PROX1: variants seen among roughly 807,000 people sequenced by gnomAD.
PROX1 encodes prospero homeobox protein 1.
A neutral mutation model predicts 58.8 loss-of-function variants in PROX1; 7 were observed. The ratio of observed to expected loss-of-function variants is 0.12; its 90% CI spans 0.07 to 0.22. PROX1 has a LOEUF of 0.22. Among genes scored for constraint, PROX1 ranks in the 10% least tolerant of loss-of-function variants. PROX1 has a pLI of 1.00. For synonymous variants in PROX1, 350 were observed against 358.3 expected (o/e 0.98, Z 0.26); for missense variants, 675 against 927.8 (o/e 0.73, Z 3.54).
chr1:214,004,570 C>T (rs1663639227), intron 2 of PROX1, among the ~76,000 whole-genome samples: 1 of 152,046 alleles, frequency 6.6e-6, no homozygotes, highest in African/African-American at 2.4e-5. Context: ...CAAGTTTTAG[C>T]TATTATTTAA....
intron 2 of PROX1, among the ~76,000 whole-genome samples, chr1:214,002,730 G>A (rs1663568315): frequency 6.6e-6 from 1 of 152,102 alleles, no homozygotes; most frequent in Admixed American, 6.5e-5. Context: ...AAGTATCCTG[G>A]AAACAGCTAG....
chr1:214,008,118 C>A (rs1663781582), intron 3 of PROX1, among the ~76,000 whole-genome samples: 1 of 151,922 alleles, frequency 6.6e-6, no homozygotes, highest in Non-Finnish European at 1.5e-5. Flanking sequence ...ATGGTGCAAT[C>A]TCAGCTCACT....
intron 2 of PROX1, among the ~76,000 whole-genome samples, chr1:213,998,590 A>G (rs1222095952): frequency 2.0e-5 from 3 of 152,192 alleles, no homozygotes; most frequent in Non-Finnish European, 4.4e-5. Context: ...AAAATAAAGA[A>G]GTAGATTTAG....
chr1:214,015,452 T>C (rs1571827175), intron 4 of PROX1, among the ~76,000 whole-genome samples: 1 of 152,158 alleles, frequency 6.6e-6, no homozygotes, highest in Non-Finnish European at 1.5e-5. Context: ...AAGAGCAAGT[T>C]TGGGATTCCT....
At chr1:213,994,667 G>A (rs916862761) in intron 1 of PROX1, among the ~76,000 whole-genome samples, 9 of 148,478 alleles carry the variant, frequency 6.1e-5, no homozygotes, top group Non-Finnish European at 1.0e-4. Context: ...CAATGTTGTA[G>A]TTCTTGAGAA....
chr1:213,989,500 G>C (rs572119048), intron 1 of PROX1, among the ~76,000 whole-genome samples: 2 of 152,146 alleles, frequency 1.3e-5, no homozygotes, highest in South Asian at 4.2e-4. Context: ...TCTCGTCTGG[G>C]TGGTACCTAC....
intron 2 of PROX1, among the ~76,000 whole-genome samples, chr1:213,998,593 A>T (rs1477756680): frequency 1.3e-5 from 2 of 152,192 alleles, no homozygotes; most frequent in African/African-American, 4.8e-5. Flanking sequence ...ATAAAGAAGT[A>T]GATTTAGAGA....
intron 4 of PROX1, among the ~76,000 whole-genome samples, chr1:214,023,804 A>T (rs913830144): frequency 6.6e-6 from 1 of 152,198 alleles, no homozygotes; most frequent in African/African-American, 2.4e-5. Context: ...AAATTAGAAT[A>T]TGGTGCTAAA....
At chr1:214,027,950 T>C (rs548390080) in intron 4 of PROX1, among the ~76,000 whole-genome samples, 37 of 151,812 alleles carry the variant, frequency 2.4e-4, no homozygotes, top group Admixed American at 6.6e-4. Context: ...TTTTTTTTTT[T>C]CTTAAGACAG....
intron 3 of PROX1, among the ~76,000 whole-genome samples, chr1:214,010,018 G>A (rs1571820498): frequency 6.6e-6 from 1 of 152,214 alleles, no homozygotes; most frequent in Non-Finnish European, 1.5e-5. Context: ...AATCGTAATG[G>A]GTTTAAGTTC....
intron 1 of PROX1, chr1:213,989,931 C>T (rs1662961871): frequency 6.6e-6 from 1 of 152,136 alleles, no homozygotes; most frequent in Non-Finnish European, 1.5e-5. Context: ...GAGTGTGAAA[C>T]TGCTGTTCTT....
chr1:213,996,333 A>G (rs1285150277), intron 1 of PROX1, 136 bp from the exon 2 acceptor site: 6 of 556,636 alleles, frequency 1.1e-5, no homozygotes, highest in African/African-American at 1.9e-5. Flanking sequence ...AGCAGAGTGC[A>G]TAATAAATTG....
intron 4 of PROX1, chr1:214,028,941 GC>G (rs1225781043): frequency 1.3e-5 from 2 of 152,334 alleles, no homozygotes; most frequent in Admixed American, 1.3e-4. Context: ...GTGAAGAGGA[GC>G]AGCAATAACG....
intron 2 of PROX1, 62 bp from the exon 3 acceptor site, chr1:214,005,103 G>A (rs565134472): frequency 7.6e-7 from 1 of 1,322,280 alleles, no homozygotes; most frequent in South Asian, 1.2e-5. Flanking sequence ...GGGGACTGGA[G>A]GGAGGGAGGT....
chr1:214,013,511 C>T (rs751512564), intron 4 of PROX1, among the ~76,000 whole-genome samples: 1 of 152,148 alleles, frequency 6.6e-6, no homozygotes, highest in Non-Finnish European at 1.5e-5. Flanking sequence ...CATGAGATGA[C>T]TTCTGCATTT....
chr1:213,985,513 C>T (rs1409290814), upstream of PROX1: 2 of 152,254 alleles, frequency 1.3e-5, no homozygotes, highest in African/African-American at 4.8e-5. Context: ...CGCTCCTGCG[C>T]CCTAATGCGG....
intron 1 of PROX1, among the ~76,000 whole-genome samples, chr1:213,991,330 G>A (rs1361597504): frequency 1.3e-5 from 2 of 152,134 alleles, no homozygotes; most frequent in East Asian, 3.8e-4. Context: ...TTTGCTCATT[G>A]GCTTTGTGTT....
intron 2 of PROX1, among the ~76,000 whole-genome samples, chr1:214,004,301 G>A (rs1371091149): frequency 1.3e-5 from 2 of 152,192 alleles, no homozygotes; most frequent in African/African-American, 2.4e-5. Flanking sequence ...ATTCTCTTGG[G>A]AACTGTTTTA....
intron 3 of PROX1, among the ~76,000 whole-genome samples, chr1:214,009,460 C>A (rs781735052): frequency 6.6e-6 from 1 of 152,106 alleles, no homozygotes; most frequent in African/African-American, 2.4e-5. Context: ...TCTAGAAAAG[C>A]GGGGGCTTGC....
Sources: allele counts gnomAD v4.1 joint callset (sites outside exome capture counted in the v4.1 genomes callset), GRCh38; gene constraint gnomAD v4.1.1; transcripts MANE v1.5; gene names NCBI Gene and HGNC (gene_info 2026-07-23, HGNC 2026-07-21).